The following POLR3A variants were observed in gnomAD, a reference collection of about 807,000 sequenced individuals.
POLR3A encodes RNA polymerase III subunit A.
Under a neutral mutation model 152.8 loss-of-function variants are expected in POLR3A, and 112 were observed. The ratio of observed to expected loss-of-function variants is 0.73; its 90% CI spans 0.63 to 0.86. The LOEUF is 0.86. POLR3A is among the 40% of genes least tolerant of loss of function. POLR3A has a pLI of 0.00. For synonymous variants in POLR3A, 615 were observed against 652.1 expected, an observed-to-expected ratio of 0.94 and a Z score of 0.87; for missense variants, 1,385 against 1,743.1, an observed-to-expected ratio of 0.79 and a Z score of 3.66.
At chr10:78,013,925 C>A in intron 10 of POLR3A, 135 bp from the exon 11 acceptor site, 1 of 989,606 alleles carries the variant, frequency 1.0e-6, no homozygotes. Context: ...CCAGTATGTT[C>A]TGTCAAGTGA....
intron 5 of POLR3A, among the ~76,000 whole-genome samples, chr10:78,022,747 G>A (rs896739523): frequency 2.6e-5 from 4 of 152,158 alleles, no homozygotes; most frequent in African/African-American, 9.7e-5. Flanking sequence ...GAGCCTGACA[G>A]TTTATTGGCT....
intron 8 of POLR3A, chr10:78,020,173 CAAA>C (rs34239022): frequency 5.4e-5 from 4 of 74,082 alleles, no homozygotes; most frequent in Admixed American, 1.5e-4. Context: ...GACTCAGTCT[CAAA>C]AAAAAAAAAA....
chr10:77,994,564 A>T (rs896372898), intron 19 of POLR3A, among the ~76,000 whole-genome samples: 5 of 152,156 alleles, frequency 3.3e-5, no homozygotes, highest in African/African-American at 9.6e-5. Flanking sequence ...GGTATCAGTG[A>T]TGGAAGACGT....
intron 5 of POLR3A, among the ~76,000 whole-genome samples, chr10:78,023,564 GA>G (rs2131959791): frequency 6.6e-6 from 1 of 152,142 alleles, no homozygotes; most frequent in South Asian, 2.1e-4. Context: ...AGGATTGCTT[GA>G]ACCCAGGAGT....
At chr10:78,025,510 A>G (rs898580205) in intron 3 of POLR3A, 112 bp downstream of exon 3, 1 of 1,005,512 alleles carries the variant, frequency 9.9e-7, no homozygotes, top group Non-Finnish European at 1.6e-6. Context: ...ACTTAGTATA[A>G]AAGAGTCCCC....
chr10:78,009,960 G>C lies in POLR3A; in HGVS notation c.1674C>G (p.Phe558Leu), dbSNP rs267608668. 9.3e-6 allele frequency: 15 copies of C among 1,614,188 alleles called. No homozygotes were observed. The highest frequency in any genetic ancestry group is 1.3e-5 in the Non-Finnish European group (15 of 1,180,020). The stretch of plus-strand genomic sequence containing the variant: ...TTTGGCAAGCCTTGGCTCGATCAAA[G>C]AAAGTGTCCTTGAGAGTGAGGAGAT... ...GAYLLTLKDT[F>L]FDRAKACQII... The change falls in exon 13 of 31, where the codon TTC becomes TTG. Residue 558 changes from phenylalanine (F) to leucine (L), a missense_variant. Transcript: ENST00000372371.
At chr10:78,024,513 G>A in intron 5 of POLR3A, 36 bp downstream of exon 5, 1 of 1,605,942 alleles carries the variant, frequency 6.2e-7, no homozygotes, top group South Asian at 1.1e-5. Context: ...GCAGGCGGGA[G>A]GCAGGCGGAA....
At chr10:78,012,698 T>A (rs760444098) in intron 11 of POLR3A, among the ~76,000 whole-genome samples, 2 of 151,830 alleles carry the variant, frequency 1.3e-5, no homozygotes, top group African/African-American at 4.8e-5. Context: ...CAGGAGTGAA[T>A]AGTACATGTA....
At chr10:78,013,083 C>T (rs533923615) in intron 11 of POLR3A, 19 of 169,424 alleles carry the variant, frequency 1.1e-4, no homozygotes, top group Middle Eastern at 3.1e-3. Flanking sequence ...TCACTATCAC[C>T]GATCTCCTGC....
Position 78,019,282 on chromosome 10 carries a change from C to T in POLR3A, c.1186-17G>A, listed in dbSNP as rs758097755. ...TTTGTTTACCTGCAGTACAAAAAAA[C>T]CACAATAAGTTACTCCCAGGTAACT... On this transcript the variant is annotated splice_polypyrimidine_tract_variant and intron_variant, in intron 8 of 30. Coordinates refer to ENST00000372371, the MANE Select transcript of POLR3A (RefSeq NM_007055.4). 1 of 1,532,758 alleles carries T rather than the reference C, an allele frequency of 6.5e-7. No individual in the cohort carries two copies. The highest frequency in any genetic ancestry group is 1.1e-5 in the South Asian group (1 of 89,432). 94.9% of individuals were successfully genotyped at this position (1,532,758 alleles called of 1,614,324 possible).
At chr10:77,996,751 C>T in intron 19 of POLR3A, among the ~76,000 whole-genome samples, 1 of 152,190 alleles carries the variant, frequency 6.6e-6, no homozygotes, top group Non-Finnish European at 1.5e-5. Flanking sequence ...GAGCTGGTAC[C>T]ATTCCTTCTG....
At chr10:77,983,291 G>A (rs1847166493) in intron 26 of POLR3A, among the ~76,000 whole-genome samples, 1 of 152,214 alleles carries the variant, frequency 6.6e-6, no homozygotes, top group Admixed American at 6.5e-5. Context: ...GCAGGTTGCT[G>A]CATTTGAGTC....
intron 5 of POLR3A, 115 bp from the exon 6 acceptor site, chr10:78,022,499 C>T: frequency 4.6e-6 from 5 of 1,095,154 alleles, no homozygotes; most frequent in Middle Eastern, 2.3e-4. Context: ...TAAGTGACAA[C>T]AGAGATTTCT....
Position 78,000,990 on chromosome 10 carries a change from C to A in POLR3A, c.2464G>T (p.Glu822Ter). Residue 822 changes from glutamate to a stop codon, truncating the protein, a stop_gained, in exon 18 of 31, where the codon GAA (glutamate) becomes TAA (stop). Transcript: ENST00000372371. LOFTEE classifies it high-confidence loss of function. ...GFENRSLPHF[E>*]KHSKLPAAKG... is the part of the protein sequence containing the mutation. ...CTACTGCTTACCTTTGAGTGTTTTT[C>A]AAAATGAGGCAAGGACCTGTTTTCA... is the stretch of plus-strand genomic sequence containing the variant. 6.3e-7 allele frequency: 1 copy of A among 1,587,474 alleles called. No individual in the cohort carries two copies. Among genetic ancestry groups the A allele is most frequent in the South Asian group, 1.1e-5 (1 of 90,546 alleles).
rs142769100 is a variant in POLR3A at position 77,984,277 on chromosome 10, C to T, written c.3264G>A (p.Gln1088=). Residue 1088 remains glutamine, a synonymous_variant, in exon 25 of 31, where the codon CAG becomes CAA. Coordinates refer to ENST00000372371, the MANE Select transcript of POLR3A (RefSeq NM_007055.4). ...AATCCGCGTCGTCATCCTTGTCTAG[C>T]TGTGCTGTGATAATTGGAGTGCTGT... is the stretch of plus-strand genomic sequence containing the variant. ...KAISTPIITA[Q]LDKDDDADYA... 3.2e-4 allele frequency: 513 copies of T among 1,612,518 alleles called. No individual in the cohort carries two copies. Among genetic ancestry groups the T allele is most frequent in the Admixed American group, 7.2e-4 (43 of 60,016 alleles).
intron 16 of POLR3A, among the ~76,000 whole-genome samples, chr10:78,003,222 G>A (rs76323469): frequency 0.021 from 3,216 of 152,246 alleles, 115 homozygotes; most frequent in African/African-American, 0.072. Context: ...AGGAGGTACC[G>A]GTGAGGGATA....
At chr10:78,010,423 C>T (rs760129318) in intron 12 of POLR3A, 48 bp downstream of exon 12, 2 of 1,321,624 alleles carry the variant, frequency 1.5e-6, no homozygotes, top group Non-Finnish European at 2.2e-6. Context: ...ACGAGGAACA[C>T]TGTGTTCCAG....
intron 9 of POLR3A, 140 bp from the exon 10 acceptor site, chr10:78,017,856 T>C (rs1847539869): frequency 7.8e-6 from 8 of 1,025,684 alleles, no homozygotes; most frequent in African/African-American, 1.6e-5. Flanking sequence ...TATAGTTTTA[T>C]GTGCCAAGAA....
At chr10:78,010,591 A>C in intron 11 of POLR3A, 51 bp from the exon 12 acceptor site, 1 of 1,267,298 alleles carries the variant, frequency 7.9e-7, no homozygotes, top group African/African-American at 1.5e-5. Flanking sequence ...TGCATGATGC[A>C]GCCCAAAGCC....
Sources: allele counts gnomAD v4.1 joint callset (sites outside exome capture counted in the v4.1 genomes callset), GRCh38; gene constraint gnomAD v4.1.1; transcripts MANE v1.5; gene names NCBI Gene and HGNC (gene_info 2026-07-23, HGNC 2026-07-21).